The following TRPV1 variants were observed in gnomAD, a reference collection of about 807,000 sequenced individuals.
TRPV1 encodes the protein OTRPC1.
A neutral mutation model predicts 82.3 loss-of-function variants in TRPV1; 82 were observed. That is an observed-to-expected ratio of 1.00 (90% CI 0.83 to 1.20). The LOEUF is 1.20. TRPV1 is among the 50% of genes most tolerant of loss of function. The pLI is 0.00. For synonymous variants in TRPV1, 515 were observed against 467.7 expected (o/e 1.10, Z -1.30); for missense variants, 1,067 against 1,096.8 (o/e 0.97, Z 0.38).
rs75162332 is a variant in TRPV1, at chr17:3,602,727, G to A, written c.-34+5700C>T. Among the ~76,000 whole-genome samples, 247 of 152,250 alleles carry A rather than the reference G, an allele frequency of 1.6e-3. 2 individuals carry two copies. Among genetic ancestry groups the A allele is most frequent in the Middle Eastern group, 3.4e-3 (1 of 294 alleles). On this transcript the variant is annotated intron_variant, in intron 2 of 16. Transcript: ENST00000572705. The stretch of plus-strand genomic sequence containing the variant: ...GTTTTCTCTTAGTGTTACCACTAGG[G>A]GGCACATTGACTTAAGCTGAGTTCT...
In TRPV1 at chr17:3,591,228, A is replaced by G; in HGVS notation, c.410T>C (p.Leu137Pro). 6.2e-7 allele frequency: 1 copy of G among 1,612,884 alleles called. No individual in the cohort carries two copies. The highest frequency in any genetic ancestry group is 1.1e-5 in the South Asian group (1 of 90,938). Residue 137 changes from leucine to proline, a missense_variant, in exon 4 of 17, where the codon CTG becomes CCG. By Grantham distance (98) the Leu-to-Pro change is moderately conservative (BLOSUM62 -3). Coordinates refer to ENST00000572705, the MANE Select transcript of TRPV1 (RefSeq NM_080704.4). ...CQDLESLLLF[L>P]QKSKKHLTDN... Reference sequence around the variant, plus strand: ...TGTGAGGTGCTTCTTGCTCTTCTGCAGGAAGAGCAGCAGGCTCTCCAGATC... The same window carrying G: ...TGTGAGGTGCTTCTTGCTCTTCTGCGGGAAGAGCAGCAGGCTCTCCAGATC...
rs1352239474 is a variant in TRPV1 at position 3,565,605 on chromosome 17, C to T, written c.*1210G>A. On this transcript the variant is annotated 3_prime_UTR_variant, in exon 17 of 17. Coordinates refer to ENST00000572705, the MANE Select transcript of TRPV1 (RefSeq NM_080704.4). The stretch of plus-strand genomic sequence containing the variant: ...TGTGGTTCTGTAGTTTTAACCTGCA[C>T]AGCAATTGAGCTGATCTTCTGGAGA... 2 of 152,194 alleles carry T rather than the reference C, an allele frequency of 1.3e-5. No homozygotes were observed. Among genetic ancestry groups the T allele is most frequent in the African/African-American group, 2.4e-5 (1 of 41,422 alleles). 9.4% of individuals were successfully genotyped at this position (152,194 alleles called of 1,614,324 possible).
At chr17:3,569,454 GCA>G (rs2074818359) in intron 16 of TRPV1, among the ~76,000 whole-genome samples, 1 of 152,102 alleles carries the variant, frequency 6.6e-6, no homozygotes, top group East Asian at 1.9e-4. Context: ...AATAAAAACT[GCA>G]ATTCCCAAGA....
chr17:3,569,540 C>T (rs918129457), intron 16 of TRPV1, among the ~76,000 whole-genome samples: 3 of 152,234 alleles, frequency 2.0e-5, no homozygotes, highest in African/African-American at 4.8e-5. Context: ...AACTACAACG[C>T]GGTGAGCTGC....
intron 10 of TRPV1, 59 bp downstream of exon 10, chr17:3,583,279 C>G (rs1318884001): frequency 5.6e-6 from 8 of 1,436,318 alleles, no homozygotes; most frequent in Non-Finnish European, 7.7e-6. Context: ...GCTGAGGGAT[C>G]TTCTTGGCTT....
chr17:3,583,870 T>C (rs117841095), intron 9 of TRPV1, among the ~76,000 whole-genome samples: 1 of 152,208 alleles, frequency 6.6e-6, no homozygotes, highest in Non-Finnish European at 1.5e-5. Context: ...CACACACTTG[T>C]GGGTGTCACC....
At chr17:3,607,245 G>A (rs1449371773) in intron 2 of TRPV1, among the ~76,000 whole-genome samples, 4 of 152,128 alleles carry the variant, frequency 2.6e-5, no homozygotes, top group Non-Finnish European at 5.9e-5. Flanking sequence ...TCGGGAGGCT[G>A]AGGTACAAGA....
chr17:3,567,124 G>C (rs1402631210), intron 16 of TRPV1, 137 bp from the exon 17 acceptor site: 1 of 912,792 alleles, frequency 1.1e-6, no homozygotes, highest in African/African-American at 1.7e-5. Context: ...TTGGGAGGCC[G>C]AGGCAGGTGG....
chr17:3,596,078 T>C (rs1452505568), intron 2 of TRPV1, among the ~76,000 whole-genome samples: 1 of 152,170 alleles, frequency 6.6e-6, no homozygotes, highest in Non-Finnish European at 1.5e-5. Flanking sequence ...GAGATGGTGA[T>C]TCTGGTTTAC....
intron 2 of TRPV1, among the ~76,000 whole-genome samples, chr17:3,598,324 A>G (rs1285899318): frequency 1.3e-5 from 2 of 152,152 alleles, no homozygotes; most frequent in Non-Finnish European, 2.9e-5. Flanking sequence ...TGGCCACCCC[A>G]TCAATTCCGC....
chr17:3,565,511 C>A lies in TRPV1; in HGVS notation c.*1304G>T, dbSNP rs925949144. ...GATGGAGTGGAAGCATGTGCCATTG[C>A]GGAGAAGCAGGACTGGGGTTCCTAG... On this transcript the variant is annotated 3_prime_UTR_variant, in exon 17 of 17. Coordinates refer to ENST00000572705, the MANE Select transcript of TRPV1 (RefSeq NM_080704.4). 3.3e-5 allele frequency: 5 copies of A among 152,164 alleles called. No individual in the cohort carries two copies. Among genetic ancestry groups the A allele is most frequent in the Admixed American group, 3.3e-4 (5 of 15,268 alleles). The allele number at this position is 152,164 out of a possible 1,614,324, so 9.4% of individuals were successfully genotyped here. A position where few individuals can be genotyped will look rare whatever the true frequency, so the allele number is the denominator to read the frequency against.
intron 13 of TRPV1, among the ~76,000 whole-genome samples, chr17:3,576,653 G>GGAAAAAAAAA (rs1242903015): frequency 2.4e-5 from 1 of 41,490 alleles, no homozygotes; most frequent in South Asian, 1.0e-3. Flanking sequence ...CTCTGTATGA[G>GGAAAAAAAAA]AAAAAAAAAA....
Position 3,577,193 on chromosome 17 carries a change from C to G in TRPV1, c.1714-1G>C, listed in dbSNP as rs2074944670. 6.3e-7 allele frequency: 1 copy of G among 1,577,782 alleles called. No individual in the cohort carries two copies. The highest frequency in any genetic ancestry group is 8.6e-7 in the Non-Finnish European group (1 of 1,162,178). ...AACGGCACAGGTCTCTCAGGATCAT[C>G]TGCAGGAGACAGCAGGCTCATCAGA... is the stretch of plus-strand genomic sequence containing the variant. On this transcript the variant is annotated splice_acceptor_variant, in intron 12 of 16. Coordinates refer to ENST00000572705, the MANE Select transcript of TRPV1 (RefSeq NM_080704.4). LOFTEE classifies it high-confidence loss of function.
In TRPV1 at chr17:3,590,307, A is replaced by G; in HGVS notation, c.690T>C (p.Ala230=). 1 of 1,613,952 alleles carries G rather than the reference A, an allele frequency of 6.2e-7. No homozygotes were observed. Among genetic ancestry groups the G allele is most frequent in the Non-Finnish European group, 8.5e-7 (1 of 1,179,886 alleles). The change falls in exon 6 of 17, where the codon GCT becomes GCC. Residue 230 remains alanine (A), a synonymous_variant. Transcript: ENST00000572705. The stretch of plus-strand genomic sequence containing the variant: ...TCTTAAAGAAGTCCCCATGGGCCGC[A>G]GCCTGGACGTCTGCTCCGTTCTCCA... The part of the protein sequence containing the change: ...LLVENGADVQ[A]AAHGDFFKKT...
intron 3 of TRPV1, 74 bp from the exon 4 acceptor site, chr17:3,591,427 G>A (rs1283305112): frequency 2.7e-6 from 4 of 1,493,308 alleles, no homozygotes; most frequent in Admixed American, 2.3e-5. Context: ...GCTTGTCAAG[G>A]GAACACGACT....
chr17:3,572,549 G>T (rs2074868990), intron 14 of TRPV1, among the ~76,000 whole-genome samples: 1 of 152,196 alleles, frequency 6.6e-6, no homozygotes, highest in South Asian at 2.1e-4. Context: ...AGCTCACAAG[G>T]GGCAACATAG....
intron 2 of TRPV1, among the ~76,000 whole-genome samples, chr17:3,605,911 A>AC (rs2075293521): frequency 6.6e-6 from 1 of 151,324 alleles, no homozygotes; most frequent in Admixed American, 6.6e-5. Flanking sequence ...TGTGGTGACA[A>AC]CCCCCAAATC....
intron 2 of TRPV1, among the ~76,000 whole-genome samples, chr17:3,593,959 T>C (rs1455286148): frequency 1.3e-5 from 2 of 151,450 alleles, no homozygotes; most frequent in Non-Finnish European, 2.9e-5. Flanking sequence ...ATCCCATCTC[T>C]ACTAAAAAAA....
intron 7 of TRPV1, among the ~76,000 whole-genome samples, chr17:3,589,144 C>T (rs2150846237): frequency 6.6e-6 from 1 of 151,928 alleles, no homozygotes; most frequent in South Asian, 2.1e-4. Context: ...GCCTTGTTAC[C>T]TAAAGCTCCT....
Sources: allele counts gnomAD v4.1 joint callset (sites outside exome capture counted in the v4.1 genomes callset), GRCh38; gene constraint gnomAD v4.1.1; transcripts MANE v1.5; gene names NCBI Gene and HGNC (gene_info 2026-07-23, HGNC 2026-07-21).